CHRNA3: variants seen among roughly 807,000 people sequenced by gnomAD.
CHRNA3 encodes the protein neuronal acetylcholine receptor subunit alpha-3.
A neutral mutation model predicts 41.9 loss-of-function variants in CHRNA3; 34 were observed. That is an observed-to-expected ratio of 0.81 (90% CI 0.62 to 1.08). The LOEUF (loss-of-function observed/expected upper bound fraction) is 1.08, where lower values mean the gene tolerates loss of function less well. Ranked by LOEUF, CHRNA3 falls within the 50% of genes least tolerant of loss-of-function variation. The pLI is 0.00. For synonymous variants in CHRNA3, 281 were observed against 265.2 expected (o/e 1.06, Z -0.58); for missense variants, 542 against 638.3 (o/e 0.85, Z 1.63).
At chr15:78,608,130 C>A (rs2141334097) in intron 4 of CHRNA3, among the ~76,000 whole-genome samples, 1 of 152,372 alleles carries the variant, frequency 6.6e-6, no homozygotes, top group South Asian at 2.1e-4. Flanking sequence ...TCTATAGGCT[C>A]CACCTCTGGG....
chr15:78,617,265 C>G (rs2053477822), intron 3 of CHRNA3, 132 bp from the exon 4 acceptor site: 2 of 638,716 alleles, frequency 3.1e-6, no homozygotes, highest in South Asian at 1.8e-5. Flanking sequence ...ATGCCATGAT[C>G]ACATAGTCCA....
chr15:78,594,366 C>A (rs945264185), downstream of CHRNA3: 2 of 152,092 alleles, frequency 1.3e-5, no homozygotes, highest in African/African-American at 4.8e-5. Flanking sequence ...ACTACAATTA[C>A]ATGAACCCCA....
chr15:78,606,333 C>A (rs1395893901), intron 4 of CHRNA3, among the ~76,000 whole-genome samples: 41 of 127,366 alleles, frequency 3.2e-4, no homozygotes, highest in African/African-American at 4.6e-4. Flanking sequence ...GAAGATGTCT[C>A]AAAAAAAAAA....
chr15:78,612,165 C>A (rs1156520347), intron 4 of CHRNA3, among the ~76,000 whole-genome samples: 1 of 151,964 alleles, frequency 6.6e-6, no homozygotes, highest in Non-Finnish European at 1.5e-5. Flanking sequence ...AGATTCAATG[C>A]CATCCCCATC....
At chr15:78,595,207 C>T (rs567596048), downstream of CHRNA3, 1 of 826,026 alleles carries the variant, frequency 1.2e-6, no homozygotes, top group South Asian at 5.5e-5. Flanking sequence ...GTATACATCC[C>T]TGATCCCTCT....
At chr15:78,615,533 T>TC (rs11418930) in intron 4 of CHRNA3, among the ~76,000 whole-genome samples, 45,684 of 151,838 alleles carry the variant, frequency 0.3, 8,029 homozygotes, top group East Asian at 0.71. Flanking sequence ...AGATCAGGGA[T>TC]CCCCAAAGCA....
At position 78,601,236 on chromosome 15, in the gene CHRNA3, A is replaced by G; in HGVS notation, c.1389+17T>C. On this transcript the variant is annotated intron_variant, in intron 5 of 5. Transcript: ENST00000326828. ...TGAATGAATGAATGACCAATGTAAT[A>G]AAAGCCATATCCTTACCTCTTTGGC... is the stretch of plus-strand genomic sequence containing the variant. 6.2e-7 allele frequency: 1 copy of G among 1,602,492 alleles called. No homozygotes were observed. Among genetic ancestry groups the G allele is most frequent in the Non-Finnish European group, 8.5e-7 (1 of 1,172,982 alleles).
chr15:78,595,473 A>C lies in CHRNA3; in HGVS notation c.*1131T>G, dbSNP rs2053089736. On this transcript the variant is annotated 3_prime_UTR_variant, in exon 6 of 6. Coordinates refer to ENST00000326828, the MANE Select transcript of CHRNA3 (RefSeq NM_000743.5). ...AAAGCAATGTTTCTCAACCAGGGGC[A>C]ATTTTGCTCCTAAGGGAACATTTAA... 1 of 946,804 alleles carries C rather than the reference A, an allele frequency of 1.1e-6. No homozygotes were observed. Among genetic ancestry groups the C allele is most frequent in the South Asian group, 4.9e-5 (1 of 20,476 alleles). 58.7% of individuals were successfully genotyped at this position (946,804 alleles called of 1,614,324 possible).
Position 78,596,620 on chromosome 15 carries a change from G to A in CHRNA3, c.1502C>T (p.Ala501Val). The A allele has an allele frequency of 6.2e-7, 1 of 1,606,010 alleles. No homozygotes were observed. Among genetic ancestry groups the A allele is most frequent in the Non-Finnish European group, 8.5e-7 (1 of 1,178,016 alleles). Residue 501 changes from alanine (A) to valine (V), a missense_variant, in exon 6 of 6, where the codon GCC (alanine) becomes GTC (valine). By Grantham distance (64) the Ala-to-Val change is moderately conservative. Coordinates refer to ENST00000326828, the MANE Select transcript of CHRNA3 (RefSeq NM_000743.5). ...TAGLFLQPLM[A>V]REDA is the part of the protein sequence containing the mutation. ...GCTTAGTGCTTATGCATCTTCCCTG[G>A]CCATCAGGGGTTGCAGAAACAATCC...
intron 4 of CHRNA3, among the ~76,000 whole-genome samples, chr15:78,608,106 G>A (rs1164633680): frequency 6.6e-6 from 1 of 152,240 alleles, no homozygotes; most frequent in Non-Finnish European, 1.5e-5. Context: ...ACAGCCCAAG[G>A]AGGCCTGCCT....
chr15:78,601,600 T>G lies in CHRNA3; in HGVS notation c.1042A>C (p.Asn348His), dbSNP rs1415223417. 1 of 1,614,184 alleles carries G rather than the reference T, an allele frequency of 6.2e-7. No homozygotes were observed. The highest frequency in any genetic ancestry group is 8.5e-7 in the Non-Finnish European group (1 of 1,180,044). Residue 348 changes from asparagine (N) to histidine (H), a missense_variant, in exon 5 of 6, where the codon AAC becomes CAC. Physicochemically the swap from Asn to His is moderately conservative, Grantham distance 68. Transcript: ENST00000326828. ...ATGAACATGACCCTGGGGAGCAGGT[T>G]CAAGAATACAGTCTTCACCCATGAG... ...MPSWVKTVFL[N>H]LLPRVMFMTR... is the part of the protein sequence containing the mutation.
At chr15:78,598,520 G>A (rs1175855815) in intron 5 of CHRNA3, among the ~76,000 whole-genome samples, 2 of 151,548 alleles carry the variant, frequency 1.3e-5, no homozygotes, top group African/African-American at 4.9e-5. Flanking sequence ...TCAGCTTCCT[G>A]AGTAGCTGGA....
intron 4 of CHRNA3, among the ~76,000 whole-genome samples, chr15:78,616,396 A>G (rs2053463136): frequency 8.1e-6 from 1 of 122,712 alleles, no homozygotes; most frequent in South Asian, 2.8e-4. Context: ...TAACCATGCC[A>G]GTCAGCAGGC....
chr15:78,598,222 A>AC (rs2053142378), intron 5 of CHRNA3, among the ~76,000 whole-genome samples: 2 of 152,180 alleles, frequency 1.3e-5, no homozygotes, highest in Non-Finnish European at 2.9e-5. Context: ...TAAGAACAGT[A>AC]CTTCCCTCAG....
chr15:78,606,137 A>G (rs1474060327), intron 4 of CHRNA3, among the ~76,000 whole-genome samples: 1 of 152,072 alleles, frequency 6.6e-6, no homozygotes, highest in East Asian at 1.9e-4. Context: ...CCTGGCCAAC[A>G]TGGTGAAACC....
At chr15:78,593,230 C>T, downstream of CHRNA3, 1 of 1,610,982 alleles carries the variant, frequency 6.2e-7, no homozygotes, top group Non-Finnish European at 8.5e-7. Context: ...AATACCAGTT[C>T]ATATTGGAAA....
intron 4 of CHRNA3, among the ~76,000 whole-genome samples, chr15:78,603,649 CAG>C (rs1369186380): frequency 7.9e-5 from 12 of 152,250 alleles, no homozygotes; most frequent in African/African-American, 2.9e-4. Flanking sequence ...CCTGTGAAAA[CAG>C]AAGGGGAATG....
downstream of CHRNA3, chr15:78,595,282 C>G: frequency 5.1e-6 from 5 of 985,112 alleles, no homozygotes; most frequent in Non-Finnish European, 6.0e-6. Flanking sequence ...TTTCTTTTGA[C>G]TTATTGAAAC....
chr15:78,594,517 G>C (rs1475521059), downstream of CHRNA3: 4 of 152,068 alleles, frequency 2.6e-5, no homozygotes, highest in Non-Finnish European at 4.4e-5. Flanking sequence ...TCTCTACTAA[G>C]AATACAAAAA....
Sources: allele counts gnomAD v4.1 joint callset (sites outside exome capture counted in the v4.1 genomes callset), GRCh38; gene constraint gnomAD v4.1.1; transcripts MANE v1.5; gene names NCBI Gene and HGNC (gene_info 2026-07-23, HGNC 2026-07-21).